The following PITPNM3 variants were observed in gnomAD, a reference collection of about 807,000 sequenced individuals.
PITPNM3 encodes the protein PITPNM family member 3.
A neutral mutation model predicts 102.0 loss-of-function variants in PITPNM3; 26 were observed. The ratio of observed to expected loss-of-function variants is 0.25; its 90% CI spans 0.19 to 0.35. PITPNM3 has a LOEUF of 0.35. PITPNM3 is among the 10% of genes least tolerant of loss of function. The pLI is 1.00. For missense variants in PITPNM3, 1,083 were observed against 1,346.1 expected (o/e 0.80, Z 3.06); for synonymous variants, 578 against 558.6 (o/e 1.03, Z -0.49).
At chr17:6,465,133 A>G (rs1597363252) in intron 14 of PITPNM3, among the ~76,000 whole-genome samples, 1 of 151,764 alleles carries the variant, frequency 6.6e-6, no homozygotes, top group East Asian at 1.9e-4. Context: ...GCTCACCGCA[A>G]CCTCCCGGGT....
chr17:6,459,025 C>T lies in PITPNM3; in HGVS notation c.2491-1303G>A, dbSNP rs1321669120. ...CCCTCACCTCAATGGTTGGTTTATT[C>T]CCAACTGGCCTTTGGCTCAGAGGAT... On this transcript the variant is annotated intron_variant, in intron 18 of 19. Coordinates refer to ENST00000262483, the MANE Select transcript of PITPNM3 (RefSeq NM_031220.4). The surrounding 1 kb of genome is among the most constrained non-coding windows in gnomAD (Gnocchi z 5.0). 6.6e-6 allele frequency among the ~76,000 whole-genome samples: 1 copy of T among 152,174 alleles called. No homozygotes were observed. The highest frequency in any genetic ancestry group is 1.5e-5 in the Non-Finnish European group (1 of 68,032).
At chr17:6,479,024 G>A (rs922964993) in intron 6 of PITPNM3, 27 of 432,944 alleles carry the variant, frequency 6.2e-5, no homozygotes, top group Admixed American at 1.5e-4. Flanking sequence ...CTTCTGCATG[G>A]CCCCAAAGGG....
In PITPNM3 at chr17:6,459,372, C is replaced by G. The variant is rs527442340; in HGVS notation, c.2491-1650G>C. On this transcript the variant is annotated intron_variant, in intron 18 of 19. Transcript: ENST00000262483. The surrounding 1 kb of genome is among the most constrained non-coding windows in gnomAD (Gnocchi z 5.0). ...CTCGTCTCTCTCTCCTGGTCCTCCTCCCCCTCACTCTCCTCCTGGTTCCTC... is the reference window on the plus strand; with the variant it reads ...CTCGTCTCTCTCTCCTGGTCCTCCTGCCCCTCACTCTCCTCCTGGTTCCTC... 6.6e-6 allele frequency among the ~76,000 whole-genome samples: 1 copy of G among 152,234 alleles called. No homozygotes were observed. The highest frequency in any genetic ancestry group is 2.4e-5 in the African/African-American group (1 of 41,536).
At chr17:6,554,910 T>C (rs1910518729) in intron 1 of PITPNM3, among the ~76,000 whole-genome samples, 1 of 152,200 alleles carries the variant, frequency 6.6e-6, no homozygotes. Context: ...GCAGCAAATG[T>C]TCACTGCCGT....
intron 10 of PITPNM3, among the ~76,000 whole-genome samples, chr17:6,473,381 G>A (rs1905152050): frequency 6.6e-6 from 1 of 152,074 alleles, no homozygotes; most frequent in Non-Finnish European, 1.5e-5. Context: ...TGTCCTCCTA[G>A]AACAGGGACT....
In PITPNM3 at chr17:6,457,831, C is replaced by T; in HGVS notation, c.2491-109G>A. On this transcript the variant is annotated intron_variant, in intron 18 of 19. Transcript: ENST00000262483. This position sits in a 1 kb window ranked among gnomAD's most constrained non-coding sequence, Gnocchi z 4.7. ...TGCTTGGGGACCCTTTATGTGCACT[C>T]TGGTAGACTCCAAGCCATGGGGCCA... The T allele has an allele frequency of 6.9e-7, 1 of 1,442,008 alleles. No homozygotes were observed. The highest frequency in any genetic ancestry group is 9.4e-7 in the Non-Finnish European group (1 of 1,061,654). 89.3% of individuals were successfully genotyped at this position (1,442,008 alleles called of 1,614,324 possible). A position where few individuals can be genotyped will look rare whatever the true frequency, so the allele number is the denominator to read the frequency against.
At chr17:6,473,745 G>A (rs1905167417) in intron 10 of PITPNM3, among the ~76,000 whole-genome samples, 1 of 152,188 alleles carries the variant, frequency 6.6e-6, no homozygotes. Context: ...GGGAGGCCAA[G>A]GCGGGTGGAT....
chr17:6,522,286 G>GTGCGCA (rs1555559213), intron 3 of PITPNM3, among the ~76,000 whole-genome samples: 1 of 149,218 alleles, frequency 6.7e-6, no homozygotes, highest in African/African-American at 2.5e-5. Context: ...TTTAGTGTGC[G>GTGCGCA]CACACACACA....
At chr17:6,548,640 C>G (rs1910154400) in intron 1 of PITPNM3, among the ~76,000 whole-genome samples, 1 of 152,126 alleles carries the variant, frequency 6.6e-6, no homozygotes, top group South Asian at 2.1e-4. Flanking sequence ...CACTCAGACT[C>G]TCTGAAAGAC....
intron 4 of PITPNM3, among the ~76,000 whole-genome samples, chr17:6,499,397 GCC>G (rs1332187209): frequency 6.6e-6 from 1 of 152,220 alleles, no homozygotes; most frequent in Non-Finnish European, 1.5e-5. Flanking sequence ...AACCCAAGAG[GCC>G]CTGTGCTGTC....
rs1188167193 is a variant in PITPNM3, at chr17:6,458,245, C to A, written c.2491-523G>T. On this transcript the variant is annotated intron_variant, in intron 18 of 19. Transcript: ENST00000262483. The surrounding 1 kb of genome is among the most constrained non-coding windows in gnomAD (Gnocchi z 5.1). ...GTCCGTCTTGCTCCAGGGGCACTTCCAGACCATCACCCTTCCCTCCCCTCC... is the reference window on the plus strand; with the variant it reads ...GTCCGTCTTGCTCCAGGGGCACTTCAAGACCATCACCCTTCCCTCCCCTCC... Among the ~76,000 whole-genome samples the A allele has an allele frequency of 6.6e-6, 1 of 152,086 alleles. No homozygotes were observed. The highest frequency in any genetic ancestry group is 1.9e-4 in the East Asian group (1 of 5,180).
chr17:6,508,788 A>G (rs1907695525), intron 3 of PITPNM3, among the ~76,000 whole-genome samples: 1 of 152,122 alleles, frequency 6.6e-6, no homozygotes, highest in African/African-American at 2.4e-5. Flanking sequence ...TTGATGAGGT[A>G]AGTGTGGCGC....
intron 6 of PITPNM3, among the ~76,000 whole-genome samples, chr17:6,482,328 A>G (rs570111458): frequency 4.6e-5 from 7 of 152,118 alleles, no homozygotes; most frequent in African/African-American, 1.7e-4. Flanking sequence ...CTAGCCAATG[A>G]CACCTCCATT....
chr17:6,516,468 G>A (rs1908182947), intron 3 of PITPNM3, among the ~76,000 whole-genome samples: 1 of 151,138 alleles, frequency 6.6e-6, no homozygotes, highest in South Asian at 2.1e-4. Context: ...GGAGGCTGAG[G>A]CAGGAGAATG....
chr17:6,539,928 C>G (rs1290859841), intron 1 of PITPNM3, among the ~76,000 whole-genome samples: 1 of 152,188 alleles, frequency 6.6e-6, no homozygotes, highest in Non-Finnish European at 1.5e-5. Context: ...GCAACAAAGT[C>G]AGCTGAGGAT....
rs1904897981 is a variant in PITPNM3 at position 6,468,457 on chromosome 17, A to G, written c.1774-116T>C. On this transcript the variant is annotated intron_variant, in intron 13 of 19. Transcript: ENST00000262483. The surrounding 1 kb of genome is among the most constrained non-coding windows in gnomAD (Gnocchi z 5.2). Reference sequence around the variant, plus strand: ...TGGGCCCTGCCCCTGCAACCCCCCAACCTCACAGCCTGGAACCGTCAGGAG... The same window carrying G: ...TGGGCCCTGCCCCTGCAACCCCCCAGCCTCACAGCCTGGAACCGTCAGGAG... 2.0e-6 allele frequency: 2 copies of G among 1,019,874 alleles called. No individual in the cohort carries two copies. The highest frequency in any genetic ancestry group is 2.5e-5 in the South Asian group (2 of 78,524). The allele number at this position is 1,019,874 out of a possible 1,614,324, so 63.2% of individuals were successfully genotyped here. A position where few individuals can be genotyped will look rare whatever the true frequency, so the allele number is the denominator to read the frequency against.
Position 6,472,849 on chromosome 17 carries a change from A to G in PITPNM3, c.1259-22T>C. On this transcript the variant is annotated intron_variant, in intron 10 of 19. Transcript: ENST00000262483. This position sits in a 1 kb window ranked among gnomAD's most constrained non-coding sequence, Gnocchi z 4.1. The stretch of plus-strand genomic sequence containing the variant: ...AAGCCTGGGGTGAGTGGGAAGACAG[A>G]GGGAAGCCACTTTCTAGTACCTGCT... 6.2e-7 allele frequency: 1 copy of G among 1,613,302 alleles called. No individual in the cohort carries two copies. The highest frequency in any genetic ancestry group is 8.5e-7 in the Non-Finnish European group (1 of 1,179,676).
At chr17:6,536,536 G>A (rs570587718) in intron 2 of PITPNM3, among the ~76,000 whole-genome samples, 48 of 152,220 alleles carry the variant, frequency 3.2e-4, no homozygotes, top group African/African-American at 1.1e-3. Context: ...GGGGTTCCCC[G>A]CCCAGAGCCA....
rs1905349334 is a variant in PITPNM3 at position 6,477,108 on chromosome 17, T to C, written c.1006A>G (p.Arg336Gly). 5 of 1,614,076 alleles carry C rather than the reference T, an allele frequency of 3.1e-6. No homozygotes were observed. The highest frequency in any genetic ancestry group is 4.2e-6 in the Non-Finnish European group (5 of 1,180,028). ...TCGCTCTGTTTCCGCGGCAACGGCC[T>C]CTTGGGCTCCTCATCCTCCAACCCA... is the stretch of plus-strand genomic sequence containing the variant. The part of the protein sequence containing the change: ...SSGLEDEEPK[R>G]PLPRKQSDSS... The change falls in exon 9 of 20, where the codon AGG (arginine) becomes GGG (glycine). Residue 336 changes from arginine to glycine, a missense_variant. Physicochemically the swap from Arg to Gly is moderately radical, Grantham distance 125 (BLOSUM62 -2). This residue lies in a region of PITPNM3 where 172 missense variants were observed against 175.6 expected (regional missense o/e 0.98). Transcript: ENST00000262483.
Sources: allele counts gnomAD v4.1 joint callset (sites outside exome capture counted in the v4.1 genomes callset), GRCh38; gene constraint gnomAD v4.1.1; regional missense constraint gnomAD v4.1.1; non-coding constraint Gnocchi (gnomAD v3.1); transcripts MANE v1.5; gene names NCBI Gene and HGNC (gene_info 2026-07-23, HGNC 2026-07-21).